Variants in TMEM132E observed in about 807,000 individuals in gnomAD.
TMEM132E encodes the protein transmembrane protein 132E.
TMEM132E carries 49 observed loss-of-function variants against 78.5 expected under a neutral mutation model. The observed-to-expected ratio is 0.62, with a 90% confidence interval of 0.50 to 0.79. The LOEUF (loss-of-function observed/expected upper bound fraction) is 0.79, where lower values mean the gene tolerates loss of function less well. TMEM132E is among the 30% of genes least tolerant of loss of function. The pLI is 0.00. For synonymous variants in TMEM132E, 715 were observed against 670.6 expected, an observed-to-expected ratio of 1.07 and a Z score of -1.02; for missense variants, 1,403 against 1,470.9, an observed-to-expected ratio of 0.95 and a Z score of 0.75.
chr17:34,581,286 G>T, intron 1 of TMEM132E, 143 bp downstream of exon 1: 1 of 787,228 alleles, frequency 1.3e-6, no homozygotes, highest in South Asian at 2.6e-5. Context: ...TGCAGCTCGA[G>T]TTACCGCCAG....
intron 1 of TMEM132E, among the ~76,000 whole-genome samples, chr17:34,591,116 C>T (rs573922344): frequency 7.9e-5 from 12 of 152,234 alleles, no homozygotes; most frequent in African/African-American, 2.9e-4. Flanking sequence ...GCCCACAGCA[C>T]GAGGGCTCAG....
chr17:34,623,298 G>T (rs1907019500), intron 1 of TMEM132E, among the ~76,000 whole-genome samples: 1 of 152,148 alleles, frequency 6.6e-6, no homozygotes, highest in Non-Finnish European at 1.5e-5. Context: ...CAGATGGTCA[G>T]CCGTGAAGTT....
chr17:34,633,452 T>C (rs1907415865), intron 6 of TMEM132E, among the ~76,000 whole-genome samples: 1 of 152,256 alleles, frequency 6.6e-6, no homozygotes, highest in South Asian at 2.1e-4. Flanking sequence ...CTGTGACTCA[T>C]ACCCAGGCTC....
rs774392351 is a variant in TMEM132E, at chr17:34,628,558, C to T, written c.999-5C>T. The T allele has an allele frequency of 1.2e-5, 19 of 1,613,562 alleles. No homozygotes were observed. Among genetic ancestry groups the T allele is most frequent in the Non-Finnish European group, 1.5e-5 (18 of 1,179,816 alleles). On this transcript the variant is annotated splice_region_variant and splice_polypyrimidine_tract_variant and intron_variant, in intron 2 of 8. Coordinates refer to ENST00000631683, the MANE Select transcript of TMEM132E (RefSeq NM_001304438.2). ...CTCCCTCTTCTTCCTCCCACTTTGT[C>T]CCAGGGTGAAGGCCAAGAAGGGTGT...
At chr17:34,589,598 G>T (rs1277182826) in intron 1 of TMEM132E, among the ~76,000 whole-genome samples, 3 of 152,174 alleles carry the variant, frequency 2.0e-5, no homozygotes, top group Non-Finnish European at 4.4e-5. Context: ...AGGTGTGGGG[G>T]TCCTTGTGTT....
chr17:34,638,369 G>T lies in TMEM132E; in HGVS notation c.*137G>T, dbSNP rs910059417. 3 of 996,992 alleles carry T rather than the reference G, an allele frequency of 3.0e-6. No homozygotes were observed. The highest frequency in any genetic ancestry group is 4.3e-6 in the Non-Finnish European group (3 of 703,816). 61.8% of individuals were successfully genotyped at this position (996,992 alleles called of 1,614,324 possible). A position where few individuals can be genotyped will look rare whatever the true frequency, so the allele number is the denominator to read the frequency against. On this transcript the variant is annotated 3_prime_UTR_variant, in exon 9 of 9. Coordinates refer to ENST00000631683, the MANE Select transcript of TMEM132E (RefSeq NM_001304438.2). ...CTCCCTGCCCCTGCAGCTTGGCTCCGTGCGGAGCGGGCCGCCTCAGTGTCT... is the reference window on the plus strand; with the variant it reads ...CTCCCTGCCCCTGCAGCTTGGCTCCTTGCGGAGCGGGCCGCCTCAGTGTCT...
intron 6 of TMEM132E, 151 bp downstream of exon 6, chr17:34,633,060 C>T (rs1025444091): frequency 2.4e-6 from 2 of 844,708 alleles, no homozygotes; most frequent in Non-Finnish European, 3.7e-6. Flanking sequence ...TGACCAGCTA[C>T]TGTGTGCTAG....
At chr17:34,606,261 C>T (rs1381750039) in intron 1 of TMEM132E, among the ~76,000 whole-genome samples, 1 of 152,158 alleles carries the variant, frequency 6.6e-6, no homozygotes, top group Non-Finnish European at 1.5e-5. Context: ...GCAGGAGAAT[C>T]GCTTGAACCC....
intron 1 of TMEM132E, among the ~76,000 whole-genome samples, chr17:34,615,552 T>TGTGTGTGTG (rs57984755): frequency 1.9e-4 from 29 of 149,066 alleles, no homozygotes; most frequent in East Asian, 5.9e-4. Flanking sequence ...TGTGTGTGTG[T>TGTGTGTGTG]TAGCACAACC....
At position 34,638,125 on chromosome 17, in the gene TMEM132E, G is replaced by A. The variant is rs368542211; in HGVS notation, c.3118G>A (p.Glu1040Lys). The stretch of plus-strand genomic sequence containing the variant: ...GCCCGCGGGCGAAGAGGACGAGGAG[G>A]AGGAAGAGGACCTGGGTTGGGGCTG... The part of the protein sequence containing the change: ...SVPAGEEDEE[E>K]EEDLGWGCPD... The change falls in exon 9 of 9, where the codon GAG (glutamate) becomes AAG (lysine). Residue 1040 changes from glutamate (E) to lysine (K), a missense_variant. Glu to Lys is a moderately conservative substitution (Grantham distance 56). Coordinates refer to ENST00000631683, the MANE Select transcript of TMEM132E (RefSeq NM_001304438.2). The A allele has an allele frequency of 1.2e-6, 2 of 1,607,424 alleles. No individual in the cohort carries two copies. Among genetic ancestry groups the A allele is most frequent in the Non-Finnish European group, 1.7e-6 (2 of 1,177,656 alleles).
intron 1 of TMEM132E, among the ~76,000 whole-genome samples, chr17:34,592,284 G>T (rs1380874021): frequency 2.6e-5 from 4 of 152,172 alleles, no homozygotes; most frequent in Non-Finnish European, 5.9e-5. Context: ...AGCCCAACCG[G>T]GGTGGAGGAG....
chr17:34,611,007 A>C (rs1018075639), intron 1 of TMEM132E, among the ~76,000 whole-genome samples: 4 of 152,364 alleles, frequency 2.6e-5, no homozygotes, highest in Admixed American at 6.5e-5. Context: ...TATTGGGTCC[A>C]GTCGGTCTTA....
At chr17:34,612,858 C>T (rs921453050) in intron 1 of TMEM132E, among the ~76,000 whole-genome samples, 143 of 151,868 alleles carry the variant, frequency 9.4e-4, no homozygotes, top group African/African-American at 3.3e-3. Flanking sequence ...GCTTTGGTTC[C>T]GTCACTGGGG....
chr17:34,629,655 G>A (rs980234564), intron 4 of TMEM132E, among the ~76,000 whole-genome samples: 1 of 152,094 alleles, frequency 6.6e-6, no homozygotes, highest in Non-Finnish European at 1.5e-5. Flanking sequence ...ATTGTCTGGG[G>A]CCAGCCCAGG....
chr17:34,630,119 G>T lies in TMEM132E; in HGVS notation c.1450G>T (p.Glu484Ter), dbSNP rs750215210. 1 of 1,613,268 alleles carries T rather than the reference G, an allele frequency of 6.2e-7. No homozygotes were observed. ...CGTCCTGGACATCTCCGCCCTAGTGGAATGCGAGTCTGACAATGAAGACAT... is the reference window on the plus strand; with the variant it reads ...CGTCCTGGACATCTCCGCCCTAGTGTAATGCGAGTCTGACAATGAAGACAT... ...GLVLDISALV[E>*]CESDNEDIIK... Residue 484 changes from glutamate (E) to a stop codon, truncating the protein, a stop_gained, in exon 5 of 9, where the codon GAA becomes TAA. Coordinates refer to ENST00000631683, the MANE Select transcript of TMEM132E (RefSeq NM_001304438.2). LOFTEE classifies it high-confidence loss of function.
chr17:34,635,025 G>C lies in TMEM132E; in HGVS notation c.1915G>C (p.Val639Leu). The change falls in exon 7 of 9, where the codon GTG becomes CTG. Residue 639 changes from valine to leucine, a missense_variant. Coordinates refer to ENST00000631683, the MANE Select transcript of TMEM132E (RefSeq NM_001304438.2). The stretch of plus-strand genomic sequence containing the variant: ...CTTCATGCGGGTGGGCGATCCCCGA[G>C]TGGCACACATGGTGGACAGCAGCAC... ...SDFMRVGDPR[V>L]AHMVDSSTLA... 1.2e-6 allele frequency: 2 copies of C among 1,614,112 alleles called. No homozygotes were observed. Among genetic ancestry groups the C allele is most frequent in the Non-Finnish European group, 1.7e-6 (2 of 1,180,020 alleles).
intron 1 of TMEM132E, among the ~76,000 whole-genome samples, chr17:34,606,006 A>G (rs1449498832): frequency 6.6e-6 from 1 of 152,218 alleles, no homozygotes; most frequent in East Asian, 1.9e-4. Context: ...CAACAAAGCC[A>G]TGGCAGGAGT....
At chr17:34,621,843 C>T (rs1285065099) in intron 1 of TMEM132E, among the ~76,000 whole-genome samples, 1 of 152,038 alleles carries the variant, frequency 6.6e-6, no homozygotes, top group Non-Finnish European at 1.5e-5. Context: ...TGTGTGTCCT[C>T]CCAGGTCAGT....
rs546643660 is a variant in TMEM132E at position 34,592,980 on chromosome 17, A to G, written c.67+11837A>G. Among the ~76,000 whole-genome samples the G allele has an allele frequency of 2.0e-5, 3 of 152,378 alleles. No individual in the cohort carries two copies. The South Asian group carries it at 6.2e-4, about 32-fold the overall frequency. On this transcript the variant is annotated intron_variant, in intron 1 of 8. Transcript: ENST00000631683. Reference sequence around the variant, plus strand: ...TGCTGAGCAGCATCGGCACTGTCCAATAGAAATATAACAGCAGCCACGTAT... The same window carrying G: ...TGCTGAGCAGCATCGGCACTGTCCAGTAGAAATATAACAGCAGCCACGTAT...
Sources: gnomAD v4.1 joint callset for allele counts (sites outside exome capture counted in the v4.1 genomes callset) on GRCh38, gnomAD v4.1.1 for gene constraint, MANE v1.5 for transcripts, NCBI Gene and HGNC (gene_info 2026-07-23, HGNC 2026-07-21) for gene names.